Variants in CORT observed in about 807,000 individuals in gnomAD.
CORT encodes the protein cortistatin.
In CORT, 2 loss-of-function variants were observed where a neutral mutation model predicts 4.4. The ratio of observed to expected loss-of-function variants is 0.46; its 90% CI spans 0.19 to 1.44. CORT has a LOEUF of 1.44. CORT is among the 40% of genes most tolerant of loss of function. CORT has a pLI of 0.26. For missense variants in CORT, 158 were observed against 140.2 expected, an observed-to-expected ratio of 1.13 and a Z score of -0.64; for synonymous variants, 72 against 62.0, an observed-to-expected ratio of 1.16 and a Z score of -0.75.
chr1:10,451,799 C>A lies in CORT; in HGVS notation c.*204C>A. 2.5e-6 allele frequency: 2 copies of A among 810,204 alleles called. No individual in the cohort carries two copies. Among genetic ancestry groups the A allele is most frequent in the Non-Finnish European group, 1.8e-6 (1 of 553,336 alleles). The allele number at this position is 810,204 out of a possible 1,614,324, so 50.2% of individuals were successfully genotyped here. A position where few individuals can be genotyped will look rare whatever the true frequency, so the allele number is the denominator to read the frequency against. On this transcript the variant is annotated 3_prime_UTR_variant, in exon 2 of 2. Coordinates refer to ENST00000377049, the MANE Select transcript of CORT (RefSeq NM_001302.5). ...TGATAAAGATTTTTTTGTGGTTCGACTGGACTGTGCTGAGTGCGGGCACTG... is the reference window on the plus strand; with the variant it reads ...TGATAAAGATTTTTTTGTGGTTCGAATGGACTGTGCTGAGTGCGGGCACTG...
rs1019226082 is a variant in CORT at position 10,451,797 on chromosome 1, G to A, written c.*202G>A. 8.1e-6 allele frequency: 7 copies of A among 860,262 alleles called. No individual in the cohort carries two copies. The highest frequency in any genetic ancestry group is 1.0e-5 in the Non-Finnish European group (6 of 595,806). 53.3% of individuals were successfully genotyped at this position (860,262 alleles called of 1,614,324 possible). A position where few individuals can be genotyped will look rare whatever the true frequency, so the allele number is the denominator to read the frequency against. On this transcript the variant is annotated 3_prime_UTR_variant, in exon 2 of 2. Transcript: ENST00000377049. ...TTTGATAAAGATTTTTTTGTGGTTC[G>A]ACTGGACTGTGCTGAGTGCGGGCAC...
At position 10,450,073 on chromosome 1, in the gene CORT, C is replaced by G. The variant is rs536349877; in HGVS notation, c.-151C>G. On this transcript the variant is annotated 5_prime_UTR_variant, in exon 1 of 2. Coordinates refer to ENST00000377049, the MANE Select transcript of CORT (RefSeq NM_001302.5). ...GAGGGAAGAGGATCCAGGCGTTAGACATGTATAGACACAAAAACAGCTGGA... is the reference window on the plus strand; with the variant it reads ...GAGGGAAGAGGATCCAGGCGTTAGAGATGTATAGACACAAAAACAGCTGGA... 1.0e-5 allele frequency: 16 copies of G among 1,579,810 alleles called. No individual in the cohort carries two copies. The highest frequency in any genetic ancestry group is 3.4e-4 in the Middle Eastern group (2 of 5,906).
In CORT at chr1:10,451,747, T is replaced by A; in HGVS notation, c.*152T>A. 1.6e-6 allele frequency: 2 copies of A among 1,278,962 alleles called. No individual in the cohort carries two copies. Among genetic ancestry groups the A allele is most frequent in the Non-Finnish European group, 2.1e-6 (2 of 966,484 alleles). 79.2% of individuals were successfully genotyped at this position (1,278,962 alleles called of 1,614,324 possible). ...ATGCCCAATACTGACGTGTCTTGAG[T>A]AATTTGGAACCCAAAGTGAAGATCT... On this transcript the variant is annotated 3_prime_UTR_variant, in exon 2 of 2. Transcript: ENST00000377049.
Position 10,451,464 on chromosome 1 carries a change from G to C in CORT, c.187G>C (p.Gly63Arg). The C allele has an allele frequency of 6.2e-7, 1 of 1,614,020 alleles. No homozygotes were observed. The highest frequency in any genetic ancestry group is 8.5e-7 in the Non-Finnish European group (1 of 1,179,948). Residue 63 changes from glycine to arginine, a missense_variant, in exon 2 of 2, where the codon GGG (glycine) becomes CGG (arginine). Transcript: ENST00000377049. The stretch of plus-strand genomic sequence containing the variant: ...TGAGTGGACCTCCCAGGCCAGTGCC[G>C]GGCCCCTCATAGGAGAGGAAGCCCG... ...WFEWTSQASA[G>R]PLIGEEAREV...
At position 10,451,693 on chromosome 1, in the gene CORT, GAA is replaced by G; in HGVS notation, c.*101_*102del. On this transcript the variant is annotated 3_prime_UTR_variant, in exon 2 of 2. Coordinates refer to ENST00000377049, the MANE Select transcript of CORT (RefSeq NM_001302.5). Reference sequence around the variant, plus strand: ...TCCTCTCCTCCTTCCCAAGTCATTTGAAAAGTGTTTGTTATTTAAATTCCAAT... The same window carrying G: ...TCCTCTCCTCCTTCCCAAGTCATTTGAAGTGTTTGTTATTTAAATTCCAAT... 6.9e-7 allele frequency: 1 copy of G among 1,443,264 alleles called. No individual in the cohort carries two copies. Among genetic ancestry groups the G allele is most frequent in the Non-Finnish European group, 9.2e-7 (1 of 1,092,782 alleles). 89.4% of individuals were successfully genotyped at this position (1,443,264 alleles called of 1,614,324 possible).
At position 10,450,214 on chromosome 1, in the gene CORT, AG is replaced by A. The variant is rs1349610707; in HGVS notation, c.-9del. 3.7e-6 allele frequency: 6 copies of A among 1,608,120 alleles called. 2 individuals carry two copies. In the Admixed American group the frequency reaches 1.0e-4, roughly 27 times the overall value. Reference sequence around the variant, plus strand: ...GCAGGGTGGGAGAGAAGCTCCAGTCAGCCCACAAGATGCCATTGTCCCCCGG... The same window carrying A: ...GCAGGGTGGGAGAGAAGCTCCAGTCACCCACAAGATGCCATTGTCCCCCGG... On this transcript the variant is annotated 5_prime_UTR_variant, in exon 1 of 2. Transcript: ENST00000377049.
chr1:10,451,279 T>C (rs2124323921), intron 1 of CORT, 98 bp from the exon 2 acceptor site: 1 of 1,384,462 alleles, frequency 7.2e-7, no homozygotes, highest in South Asian at 1.8e-5. Flanking sequence ...GATCATTTTT[T>C]TTTTTAAGTA....
rs75501939 is a variant in CORT, at chr1:10,451,524, C to G, written c.247C>G (p.Gln83Glu). 6 of 1,613,922 alleles carry G rather than the reference C, an allele frequency of 3.7e-6. No individual in the cohort carries two copies. In the African/African-American group the frequency reaches 8.0e-5, roughly 22 times the overall value. Residue 83 changes from glutamine to glutamate, a missense_variant, in exon 2 of 2, where the codon CAG (glutamine) becomes GAG (glutamate). Physicochemically the swap from Gln to Glu is conservative, Grantham distance 29. Transcript: ENST00000377049. ...VARRQEGAPP[Q>E]QSARRDRMPC... ...CAGGCGGCAGGAAGGCGCACCCCCC[C>G]AGCAATCTGCGCGCCGGGACAGAAT...
intron 1 of CORT, among the ~76,000 whole-genome samples, chr1:10,451,053 G>T (rs1046304746): frequency 6.6e-6 from 1 of 152,108 alleles, no homozygotes; most frequent in Admixed American, 6.6e-5. Flanking sequence ...CAGATTTCCC[G>T]ACCTCTCCTA....
Position 10,450,303 on chromosome 1 carries a change from C to T in CORT, c.80C>T (p.Pro27Leu). The change falls in exon 1 of 2, where the codon CCC (proline) becomes CTC (leucine). Residue 27 changes from proline (P) to leucine (L), a missense_variant. Physicochemically the swap from Pro to Leu is moderately conservative, Grantham distance 98. Coordinates refer to ENST00000377049, the MANE Select transcript of CORT (RefSeq NM_001302.5). ...ATAALPLEGG[P>L]TGRDSEHMQE... ...GCTGCCCTGCCCCTGGAGGGTGGCC[C>T]CACCGGCCGAGACAGCGAGGTGAGT... The T allele has an allele frequency of 1.3e-6, 2 of 1,515,802 alleles. No homozygotes were observed. The highest frequency in any genetic ancestry group is 1.8e-6 in the Non-Finnish European group (2 of 1,132,558). 93.9% of individuals were successfully genotyped at this position (1,515,802 alleles called of 1,614,324 possible).
chr1:10,450,339 C>T lies in CORT; in HGVS notation c.99+17C>T, dbSNP rs375245773. 83 of 1,469,858 alleles carry T rather than the reference C, an allele frequency of 5.6e-5. No individual in the cohort carries two copies. In the African/African-American group the frequency reaches 7.3e-4, roughly 13 times the overall value. 91.1% of individuals were successfully genotyped at this position (1,469,858 alleles called of 1,614,324 possible). A position where few individuals can be genotyped will look rare whatever the true frequency, so the allele number is the denominator to read the frequency against. On this transcript the variant is annotated intron_variant, in intron 1 of 1. Transcript: ENST00000377049. ...GACAGCGAGGTGAGTACAGTCCCGA[C>T]GTGGCCACACGCTAGCCCACTCTCT...
In CORT at chr1:10,451,827, C is replaced by A; in HGVS notation, c.*232C>A. 2.0e-6 allele frequency: 1 copy of A among 508,432 alleles called. No homozygotes were observed. The highest frequency in any genetic ancestry group is 3.2e-6 in the Non-Finnish European group (1 of 317,436). 31.5% of individuals were successfully genotyped at this position (508,432 alleles called of 1,614,324 possible). On this transcript the variant is annotated 3_prime_UTR_variant, in exon 2 of 2. Transcript: ENST00000377049. ...GACTGTGCTGAGTGCGGGCACTGGG[C>A]TTTTCTTCTGATGTTCATTATGGTG...
chr1:10,450,203 A>G lies in CORT; in HGVS notation c.-21A>G. 6.2e-7 allele frequency: 1 copy of G among 1,610,972 alleles called. No homozygotes were observed. The highest frequency in any genetic ancestry group is 8.5e-7 in the Non-Finnish European group (1 of 1,178,626). Reference sequence around the variant, plus strand: ...GAAGAGCAGCAGCAGGGTGGGAGAGAAGCTCCAGTCAGCCCACAAGATGCC... The same window carrying G: ...GAAGAGCAGCAGCAGGGTGGGAGAGGAGCTCCAGTCAGCCCACAAGATGCC... On this transcript the variant is annotated 5_prime_UTR_variant, in exon 1 of 2. Transcript: ENST00000377049.
At chr1:10,450,553 A>T (rs1640753046) in intron 1 of CORT, among the ~76,000 whole-genome samples, 1 of 152,164 alleles carries the variant, frequency 6.6e-6, no homozygotes, top group Non-Finnish European at 1.5e-5. Context: ...AAACCTGTGC[A>T]GCTCAAGGAG....
In CORT at chr1:10,451,819, G is replaced by A. The variant is rs1376633729; in HGVS notation, c.*224G>A. On this transcript the variant is annotated 3_prime_UTR_variant, in exon 2 of 2. Transcript: ENST00000377049. Reference sequence around the variant, plus strand: ...TTCGACTGGACTGTGCTGAGTGCGGGCACTGGGCTTTTCTTCTGATGTTCA... The same window carrying A: ...TTCGACTGGACTGTGCTGAGTGCGGACACTGGGCTTTTCTTCTGATGTTCA... 13 of 576,300 alleles carry A rather than the reference G, an allele frequency of 2.3e-5. No homozygotes were observed. The highest frequency in any genetic ancestry group is 3.5e-5 in the Non-Finnish European group (13 of 372,050). 35.7% of individuals were successfully genotyped at this position (576,300 alleles called of 1,614,324 possible).
chr1:10,451,371 TA>T lies in CORT; in HGVS notation c.100-2del, dbSNP rs1313526754. ...CTTTCCTTTGCCATCTGCTTCTCTTTAAAAGCATATGCAGGAAGCGGCAGGA... is the reference window on the plus strand; with the variant it reads ...CTTTCCTTTGCCATCTGCTTCTCTTTAAAGCATATGCAGGAAGCGGCAGGA... On this transcript the variant is annotated splice_polypyrimidine_tract_variant and splice_region_variant and intron_variant, in intron 1 of 1. Transcript: ENST00000377049. 3.1e-6 allele frequency: 5 copies of T among 1,596,262 alleles called. No homozygotes were observed. Among genetic ancestry groups the T allele is most frequent in the Non-Finnish European group, 4.3e-6 (5 of 1,171,114 alleles).
chr1:10,450,195 T>C lies in CORT; in HGVS notation c.-29T>C. ...CCAGGAAGGAAGAGCAGCAGCAGGG[T>C]GGGAGAGAAGCTCCAGTCAGCCCAC... On this transcript the variant is annotated 5_prime_UTR_variant, in exon 1 of 2. Coordinates refer to ENST00000377049, the MANE Select transcript of CORT (RefSeq NM_001302.5). The C allele has an allele frequency of 6.2e-7, 1 of 1,611,392 alleles. No homozygotes were observed. The highest frequency in any genetic ancestry group is 8.5e-7 in the Non-Finnish European group (1 of 1,178,844).
chr1:10,451,692 T>C lies in CORT; in HGVS notation c.*97T>C. ...TTCCTCTCCTCCTTCCCAAGTCATT[T>C]GAAAAGTGTTTGTTATTTAAATTCC... is the stretch of plus-strand genomic sequence containing the variant. On this transcript the variant is annotated 3_prime_UTR_variant, in exon 2 of 2. Transcript: ENST00000377049. The C allele has an allele frequency of 6.9e-7, 1 of 1,444,450 alleles. No homozygotes were observed. Among genetic ancestry groups the C allele is most frequent in the South Asian group, 1.5e-5 (1 of 66,988 alleles). 89.5% of individuals were successfully genotyped at this position (1,444,450 alleles called of 1,614,324 possible).
rs769598738 is a variant in CORT, at chr1:10,451,443, T to A, written c.166T>A (p.Trp56Arg). 2 of 1,613,800 alleles carry A rather than the reference T, an allele frequency of 1.2e-6. No individual in the cohort carries two copies. The highest frequency in any genetic ancestry group is 1.1e-5 in the South Asian group (1 of 91,018). Reference sequence around the variant, plus strand: ...GACTTTCCTCGCTTGGTGGTTTGAGTGGACCTCCCAGGCCAGTGCCGGGCC... The same window carrying A: ...GACTTTCCTCGCTTGGTGGTTTGAGAGGACCTCCCAGGCCAGTGCCGGGCC... Reference protein sequence around the residue: ...LLTFLAWWFEWTSQASAGPLI... With the variant: ...LLTFLAWWFERTSQASAGPLI... The change falls in exon 2 of 2, where the codon TGG (tryptophan) becomes AGG (arginine). Residue 56 changes from tryptophan (W) to arginine (R), a missense_variant. Coordinates refer to ENST00000377049, the MANE Select transcript of CORT (RefSeq NM_001302.5).
Sources: gnomAD v4.1 joint callset for allele counts (sites outside exome capture counted in the v4.1 genomes callset) on GRCh38, gnomAD v4.1.1 for gene constraint, MANE v1.5 for transcripts, NCBI Gene and HGNC (gene_info 2026-07-23, HGNC 2026-07-21) for gene names.